Variants in SYNC observed in about 807,000 individuals in gnomAD.
SYNC encodes the protein syncoilin.
SYNC carries 38 observed loss-of-function variants against 49.5 expected under a neutral mutation model. That is an observed-to-expected ratio of 0.77 (90% CI 0.59 to 1.01). The LOEUF is 1.01. Among genes scored for constraint, SYNC ranks in the 50% least tolerant of loss-of-function variants. SYNC has a pLI of 0.00. For synonymous variants in SYNC, 201 were observed against 230.8 expected, an observed-to-expected ratio of 0.87 and a Z score of 1.17; for missense variants, 579 against 580.6, an observed-to-expected ratio of 1.00 and a Z score of 0.03.
chr1:32,693,077 G>GTTTTT (rs199763173), intron 2 of SYNC, among the ~76,000 whole-genome samples: 5 of 147,212 alleles, frequency 3.4e-5, no homozygotes, highest in South Asian at 2.1e-4. Context: ...TTTTTTTTTT[G>GTTTTT]TTTGTTTGTT....
At chr1:32,694,291 C>T (rs960965371) in intron 2 of SYNC, among the ~76,000 whole-genome samples, 5 of 151,180 alleles carry the variant, frequency 3.3e-5, no homozygotes, top group African/African-American at 7.3e-5. Flanking sequence ...CCTGAGAGGT[C>T]GAGGCTGCAG....
At chr1:32,699,945 G>T (rs1570930021) in intron 1 of SYNC, among the ~76,000 whole-genome samples, 1 of 151,810 alleles carries the variant, frequency 6.6e-6, no homozygotes, top group South Asian at 2.1e-4. Flanking sequence ...TCTTGGTCAG[G>T]CTGGTCTCGA....
At chr1:32,694,824 G>A in intron 2 of SYNC, 41 bp downstream of exon 2, 2 of 1,508,948 alleles carry the variant, frequency 1.3e-6, no homozygotes, top group Admixed American at 2.2e-5. Flanking sequence ...TCTTTCCCCA[G>A]GTTAAAAGAC....
At position 32,702,529 on chromosome 1, in the gene SYNC, G is replaced by T; in HGVS notation, c.53+79C>A. 1.7e-6 allele frequency: 2 copies of T among 1,186,214 alleles called. No homozygotes were observed. The highest frequency in any genetic ancestry group is 2.1e-6 in the Non-Finnish European group (2 of 953,554). 73.5% of individuals were successfully genotyped at this position (1,186,214 alleles called of 1,614,324 possible). ...ACCCCTAGACAGGCGAAAGACGCCC[G>T]CGGTCGGGGGGAAAGGGAACCCGTC... On this transcript the variant is annotated intron_variant, in intron 1 of 4. Coordinates refer to ENST00000409190, the MANE Select transcript of SYNC (RefSeq NM_030786.3). This position sits in a 1 kb window ranked among gnomAD's most constrained non-coding sequence, Gnocchi z 6.2.
chr1:32,680,885 G>C lies in SYNC; in HGVS notation c.*965C>G. On this transcript the variant is annotated 3_prime_UTR_variant, in exon 5 of 5. Coordinates refer to ENST00000409190, the MANE Select transcript of SYNC (RefSeq NM_030786.3). ...ACAGATTAGTCTTTGATAAGGTAAC[G>C]TTTCTTTGAAGTCTATCTGTAGAGA... 7.9e-6 allele frequency: 2 copies of C among 252,742 alleles called. No homozygotes were observed. The highest frequency in any genetic ancestry group is 1.5e-5 in the Non-Finnish European group (2 of 133,868). The allele number at this position is 252,742 out of a possible 1,614,324, so 15.7% of individuals were successfully genotyped here.
chr1:32,688,934 C>T (rs1437586243), intron 2 of SYNC, among the ~76,000 whole-genome samples: 1 of 151,318 alleles, frequency 6.6e-6, no homozygotes, highest in Non-Finnish European at 1.5e-5. Flanking sequence ...CCGCAACACA[C>T]ACACACTTTT....
Position 32,695,068 on chromosome 1 carries a change from C to A in SYNC, c.1030G>T (p.Glu344Ter). Residue 344 changes from glutamate (E) to a stop codon, truncating the protein, a stop_gained, in exon 2 of 5, where the codon GAG becomes TAG. Transcript: ENST00000409190. LOFTEE classifies it high-confidence loss of function. ...ESRQDLEEEY[E>*]PQFLRLLERK... ...TCTAGGAGCCGCAGGAACTGAGGCTCATACTCCTCCTCCAGGTCCTGGCGG... is the reference window on the plus strand; with the variant it reads ...TCTAGGAGCCGCAGGAACTGAGGCTAATACTCCTCCTCCAGGTCCTGGCGG... The A allele has an allele frequency of 8.1e-6, 13 of 1,613,560 alleles. No homozygotes were observed. The highest frequency in any genetic ancestry group is 1.0e-5 in the Non-Finnish European group (12 of 1,179,964).
At position 32,687,858 on chromosome 1, in the gene SYNC, A is replaced by ATTATTATTATTATT. The variant is rs1399978940; in HGVS notation, c.1234-3477_1234-3476insAATAATAATAATAA. On this transcript the variant is annotated intron_variant, in intron 2 of 4. Transcript: ENST00000409190. ...AATTATTATTATTATTATTATTATT[A>ATTATTATTATTATT]TTATTTTTTGAGATGGAGTCTTGCT... is the stretch of plus-strand genomic sequence containing the variant. Among the ~76,000 whole-genome samples, 10 of 144,084 alleles carry ATTATTATTATTATT rather than the reference A, an allele frequency of 6.9e-5. No homozygotes were observed. The East Asian group carries it at 2.0e-3, about 29-fold the overall frequency. 94.5% of individuals were successfully genotyped at this position (144,084 alleles called of 152,430 possible). A position where few individuals can be genotyped will look rare whatever the true frequency, so the allele number is the denominator to read the frequency against.
intron 2 of SYNC, among the ~76,000 whole-genome samples, chr1:32,688,925 C>T (rs983888801): frequency 7.3e-5 from 11 of 151,048 alleles, no homozygotes; most frequent in Non-Finnish European, 1.6e-4. Flanking sequence ...ACCCCCACCC[C>T]GCAACACACA....
chr1:32,684,515 T>C lies in SYNC; in HGVS notation c.1234-133A>G, dbSNP rs1649683113. Reference sequence around the variant, plus strand: ...AGTATTGAGGCTGGTATTTATATGATAGGTTATGAAACAGGTTCAAAGAAG... The same window carrying C: ...AGTATTGAGGCTGGTATTTATATGACAGGTTATGAAACAGGTTCAAAGAAG... On this transcript the variant is annotated intron_variant, in intron 2 of 4. Coordinates refer to ENST00000409190, the MANE Select transcript of SYNC (RefSeq NM_030786.3). 4.6e-6 allele frequency: 6 copies of C among 1,315,016 alleles called. No individual in the cohort carries two copies. In the East Asian group the frequency reaches 9.5e-5, roughly 21 times the overall value. 81.5% of individuals were successfully genotyped at this position (1,315,016 alleles called of 1,614,324 possible).
chr1:32,701,759 C>T (rs1295902878), intron 1 of SYNC, among the ~76,000 whole-genome samples: 1 of 152,212 alleles, frequency 6.6e-6, no homozygotes, highest in East Asian at 1.9e-4. Context: ...GGCAGCCTGC[C>T]TCTGCCACTC....
In SYNC at chr1:32,695,358, A is replaced by G; in HGVS notation, c.740T>C (p.Phe247Ser). ...EEIRLVKQKLFKVTKECVAYQ... is the reference protein window; with the variant it reads ...EEIRLVKQKLSKVTKECVAYQ... ...GGCCACACATTCCTTTGTCACTTTG[A>G]AAAGCTTCTGCTTGACCAGCCGGAT... Residue 247 changes from phenylalanine (F) to serine (S), a missense_variant, in exon 2 of 5, where the codon TTC becomes TCC. Physicochemically the swap from Phe to Ser is radical, Grantham distance 155. Coordinates refer to ENST00000409190, the MANE Select transcript of SYNC (RefSeq NM_030786.3). 6.4e-7 allele frequency: 1 copy of G among 1,551,558 alleles called. No homozygotes were observed. Among genetic ancestry groups the G allele is most frequent in the Non-Finnish European group, 8.7e-7 (1 of 1,147,052 alleles).
chr1:32,686,074 A>G (rs780454247), intron 2 of SYNC: 1 of 152,204 alleles, frequency 6.6e-6, no homozygotes, highest in African/African-American at 2.4e-5. Context: ...ACTAGTCTCA[A>G]TTGAGATGTA....
At chr1:32,693,558 T>C (rs1650267722) in intron 2 of SYNC, among the ~76,000 whole-genome samples, 1 of 152,204 alleles carries the variant, frequency 6.6e-6, no homozygotes, top group African/African-American at 2.4e-5. Context: ...AAAGTACTGC[T>C]TAGAGCACCA....
intron 2 of SYNC, chr1:32,685,636 G>C (rs1370668022): frequency 1.3e-5 from 2 of 152,182 alleles, no homozygotes; most frequent in Non-Finnish European, 2.9e-5. Context: ...ACCTTTTTTA[G>C]TGCCCAGCCA....
chr1:32,688,009 A>G (rs1175281737), intron 2 of SYNC, among the ~76,000 whole-genome samples: 1 of 151,410 alleles, frequency 6.6e-6, no homozygotes, highest in Non-Finnish European at 1.5e-5. Context: ...TAATTTTTGT[A>G]TTTTTAGTAG....
At chr1:32,690,448 C>T (rs1188602217) in intron 2 of SYNC, among the ~76,000 whole-genome samples, 1 of 150,170 alleles carries the variant, frequency 6.7e-6, no homozygotes, top group Non-Finnish European at 1.5e-5. Context: ...AGTTGGAGAC[C>T]AACCTGGCCA....
At chr1:32,700,317 C>T (rs900570359) in intron 1 of SYNC, among the ~76,000 whole-genome samples, 2 of 152,212 alleles carry the variant, frequency 1.3e-5, no homozygotes, top group Admixed American at 1.3e-4. Flanking sequence ...TCATCATTCT[C>T]GTGCCGAGCC....
chr1:32,687,775 A>G (rs916583248), intron 2 of SYNC, among the ~76,000 whole-genome samples: 7 of 150,932 alleles, frequency 4.6e-5, no homozygotes, highest in Non-Finnish European at 7.4e-5. Flanking sequence ...TTGTGTTTCC[A>G]TGCTTTTGTA....
Sources: gnomAD v4.1 joint callset for allele counts (sites outside exome capture counted in the v4.1 genomes callset) on GRCh38, gnomAD v4.1.1 for gene constraint, Gnocchi (gnomAD v3.1) non-coding constraint, MANE v1.5 for transcripts, NCBI Gene and HGNC (gene_info 2026-07-23, HGNC 2026-07-21) for gene names.